The following MUCL1 variants were observed in gnomAD, a reference collection of about 807,000 sequenced individuals.
The protein encoded by MUCL1 is mucin like 1.
Under a neutral mutation model 9.2 loss-of-function variants are expected in MUCL1, and 11 were observed. That is an observed-to-expected ratio of 1.19 (90% CI 0.75 to 1.97). MUCL1 has a LOEUF of 1.97. MUCL1 is among the 30% of genes most tolerant of loss of function. The probability of loss-of-function intolerance (pLI) is 0.00; values close to 1 mark genes in which losing one functional copy is unlikely to be tolerated. For synonymous variants in MUCL1, 48 were observed against 40.5 expected, an observed-to-expected ratio of 1.19 and a Z score of -0.71; for missense variants, 144 against 110.9, an observed-to-expected ratio of 1.30 and a Z score of -1.34.
intron 1 of MUCL1, among the ~76,000 whole-genome samples, chr12:54,854,852 C>CA (rs1320551880): frequency 6.6e-6 from 1 of 152,030 alleles, no homozygotes; most frequent in Non-Finnish European, 1.5e-5. Flanking sequence ...ACCTTGGAAC[C>CA]CAAGTTTATT....
chr12:54,842,327 T>G (rs1959216289), intron 1 of MUCL1, among the ~76,000 whole-genome samples: 1 of 152,280 alleles, frequency 6.6e-6, no homozygotes, highest in African/African-American at 2.4e-5. Flanking sequence ...ATATTGACCT[T>G]GTAGATAGAA....
intron 1 of MUCL1, among the ~76,000 whole-genome samples, chr12:54,846,171 G>A (rs1959251291): frequency 6.6e-6 from 1 of 152,130 alleles, no homozygotes; most frequent in Non-Finnish European, 1.5e-5. Flanking sequence ...TAGGCGGAGG[G>A]TCCATTGAGC....
At chr12:54,835,719 T>C (rs1038464347), upstream of MUCL1, among the ~76,000 whole-genome samples, 1 of 152,076 alleles carries the variant, frequency 6.6e-6, no homozygotes, top group African/African-American at 2.4e-5. Context: ...GGATTTGTCA[T>C]ATATGGCTTT....
At position 54,856,901 on chromosome 12, in the gene MUCL1, A is replaced by C. The variant is rs145467450; in HGVS notation, c.223+9A>C. The C allele has an allele frequency of 6.2e-7, 1 of 1,613,068 alleles. No homozygotes were observed. Among genetic ancestry groups the C allele is most frequent in the Non-Finnish European group, 8.5e-7 (1 of 1,179,558 alleles). On this transcript the variant is annotated intron_variant, in intron 3 of 3. Coordinates refer to ENST00000308796, the MANE Select transcript of MUCL1 (RefSeq NM_058173.3). ...TCGTAAAGACATTCCAGGTAGCAAG[A>C]CTCCTCCATCTGTGTGCTTCCTTTA...
intron 2 of MUCL1, among the ~76,000 whole-genome samples, chr12:54,856,403 T>C (rs1197555181): frequency 6.6e-6 from 1 of 152,242 alleles, no homozygotes; most frequent in African/African-American, 2.4e-5. Flanking sequence ...GGTTATTCTG[T>C]GGGACGGCTT....
At chr12:54,837,914 A>C (rs1276849971), upstream of MUCL1, among the ~76,000 whole-genome samples, 2 of 152,260 alleles carry the variant, frequency 1.3e-5, no homozygotes, top group African/African-American at 2.4e-5. Flanking sequence ...ATTTACATTC[A>C]GTTACATTCA....
upstream of MUCL1, among the ~76,000 whole-genome samples, chr12:54,835,701 C>T (rs568863043): frequency 2.0e-5 from 3 of 151,176 alleles, no homozygotes; most frequent in Admixed American, 2.0e-4. Flanking sequence ...CAGTATGATG[C>T]TGACTGTGGA....
intron 1 of MUCL1, among the ~76,000 whole-genome samples, chr12:54,844,410 A>G (rs960414120): frequency 1.1e-4 from 16 of 152,194 alleles, no homozygotes; most frequent in African/African-American, 3.1e-4. Flanking sequence ...ACAGGGATGA[A>G]CCATGACACA....
intron 1 of MUCL1, among the ~76,000 whole-genome samples, chr12:54,842,087 C>T (rs957313407): frequency 1.3e-5 from 2 of 152,050 alleles, no homozygotes; most frequent in African/African-American, 4.8e-5. Flanking sequence ...TATGCAATTG[C>T]CTTCAATCTA....
At chr12:54,848,907 C>G (rs973053212) in intron 1 of MUCL1, among the ~76,000 whole-genome samples, 2 of 152,088 alleles carry the variant, frequency 1.3e-5, no homozygotes, top group Non-Finnish European at 2.9e-5. Flanking sequence ...AACCTCTGAA[C>G]ATTTATCAAA....
chr12:54,852,754 G>C (rs1452564474), upstream of MUCL1, among the ~76,000 whole-genome samples: 1 of 152,194 alleles, frequency 6.6e-6, no homozygotes, highest in Admixed American at 6.5e-5. Context: ...TGTCAGTGTT[G>C]TTGGGAGGCC....
At position 54,839,934 on chromosome 12, in the gene MUCL1, C is replaced by T. The variant is rs1057400359; in HGVS notation, c.43+487C>T. ...GCCCTGCACTGCACCTGTGCCTTTG[C>T]TTAGAGTCGCTTTTCACAAGCAGAA... On this transcript the variant is annotated intron_variant, in intron 1 of 3. Transcript: ENST00000546809. Among the ~76,000 whole-genome samples the T allele has an allele frequency of 6.6e-5, 10 of 152,282 alleles. No individual in the cohort carries two copies. In the South Asian group the frequency reaches 2.1e-3, roughly 32 times the overall value.
intron 1 of MUCL1, among the ~76,000 whole-genome samples, 161 bp from the exon 2 acceptor site, chr12:54,854,955 T>C (rs10783684): frequency 0.37 from 56,837 of 152,068 alleles, 12,653 homozygotes; most frequent in East Asian, 0.84. Context: ...TTGGTTTTCA[T>C]GGGTTTTATC....
intron 1 of MUCL1, among the ~76,000 whole-genome samples, chr12:54,849,477 T>C (rs1400864088): frequency 6.6e-6 from 1 of 152,126 alleles, no homozygotes; most frequent in Non-Finnish European, 1.5e-5. Flanking sequence ...AAAATAATCT[T>C]GTAATGGGAA....
chr12:54,847,783 A>T (rs568272006), intron 1 of MUCL1, among the ~76,000 whole-genome samples: 1 of 152,208 alleles, frequency 6.6e-6, no homozygotes, highest in Non-Finnish European at 1.5e-5. Flanking sequence ...AGATGTATTT[A>T]ATTTGAGATT....
chr12:54,846,486 G>A (rs368471118), intron 1 of MUCL1, among the ~76,000 whole-genome samples: 4 of 152,304 alleles, frequency 2.6e-5, no homozygotes, highest in African/African-American at 9.6e-5. Flanking sequence ...TCATGGGAGA[G>A]TATTTTGTGG....
chr12:54,840,732 C>T (rs764798931), intron 1 of MUCL1, among the ~76,000 whole-genome samples: 3 of 152,174 alleles, frequency 2.0e-5, no homozygotes, highest in Non-Finnish European at 4.4e-5. Flanking sequence ...TCTCTGGCTG[C>T]TGGCATAATG....
At chr12:54,852,709 A>G (rs1024712220), upstream of MUCL1, among the ~76,000 whole-genome samples, 1 of 152,138 alleles carries the variant, frequency 6.6e-6, no homozygotes, top group African/African-American at 2.4e-5. Context: ...TGGGCTCTCA[A>G]TAAGTAACCG....
chr12:54,852,796 C>A (rs186263021), upstream of MUCL1, among the ~76,000 whole-genome samples: 1 of 152,114 alleles, frequency 6.6e-6, no homozygotes. Flanking sequence ...TTATTCCCTA[C>A]GGGGTATAAT....
Sources: gnomAD v4.1 joint callset for allele counts (sites outside exome capture counted in the v4.1 genomes callset) on GRCh38, gnomAD v4.1.1 for gene constraint, MANE v1.5 for transcripts, NCBI Gene and HGNC (gene_info 2026-07-23, HGNC 2026-07-21) for gene names.